RPS6KC1: variants seen among roughly 807,000 people sequenced by gnomAD.
RPS6KC1 encodes the protein inactive ribosomal protein S6 kinase delta-1.
In RPS6KC1, 54 loss-of-function variants were observed where a neutral mutation model predicts 103.8. The observed-to-expected ratio is 0.52, with a 90% CI of 0.42 to 0.65. The LOEUF (loss-of-function observed/expected upper bound fraction) is 0.65. Among genes scored for constraint, RPS6KC1 ranks in the 30% least tolerant of loss-of-function variants. The pLI is 0.00. For missense variants in RPS6KC1, 1,151 were observed against 1,253.8 expected, an observed-to-expected ratio of 0.92 and a Z score of 1.24; for synonymous variants, 439 against 438.7, an observed-to-expected ratio of 1.00 and a Z score of -0.01.
chr1:213,510,507 A>C, the RPS6KC1 span, among the ~76,000 whole-genome samples: 4 of 152,190 alleles, frequency 2.6e-5, no homozygotes, highest in African/African-American at 9.7e-5. Flanking sequence ...TGGCCAAATC[A>C]TAGGCTATAA....
At chr1:213,697,704 T>C in the RPS6KC1 span, among the ~76,000 whole-genome samples, 8 of 152,150 alleles carry the variant, frequency 5.3e-5, no homozygotes, top group Non-Finnish European at 8.8e-5. Context: ...TGTTGCCAGA[T>C]GAAGTATAGA....
chr1:213,292,635 G>A, the RPS6KC1 span, among the ~76,000 whole-genome samples: 1 of 152,146 alleles, frequency 6.6e-6, no homozygotes, highest in African/African-American at 2.4e-5. Context: ...GTGCTGGTTA[G>A]GTTGAGGGTT....
chr1:213,809,180 C>T, the RPS6KC1 span, among the ~76,000 whole-genome samples: 3 of 152,078 alleles, frequency 2.0e-5, no homozygotes, highest in South Asian at 6.2e-4. Context: ...TATTTATTGG[C>T]CTAGTTTCTA....
the RPS6KC1 span, chr1:213,839,823 G>A: frequency 1.3e-5 from 2 of 152,022 alleles, no homozygotes; most frequent in East Asian, 1.9e-4. Flanking sequence ...GAATAATACC[G>A]ATCTAGTAGG....
the RPS6KC1 span, among the ~76,000 whole-genome samples, chr1:213,327,390 C>T: frequency 1.3e-5 from 2 of 152,166 alleles, no homozygotes; most frequent in African/African-American, 4.8e-5. Flanking sequence ...CAAAACCATG[C>T]AGAGCAGTCT....
the RPS6KC1 span, among the ~76,000 whole-genome samples, chr1:213,298,402 A>G: frequency 2.8e-3 from 424 of 152,086 alleles, 2 homozygotes; most frequent in Non-Finnish European, 3.6e-3. Context: ...TTCCTCTTTG[A>G]AAGCTTCTAG....
At chr1:213,112,482 T>G (rs2083120690) in intron 4 of RPS6KC1, among the ~76,000 whole-genome samples, 1 of 151,946 alleles carries the variant, frequency 6.6e-6, no homozygotes, top group African/African-American at 2.4e-5. Context: ...AAAAAATATC[T>G]CTACTAAAAG....
In RPS6KC1 at chr1:213,238,145, A is replaced by C. The variant is rs541412612; in HGVS notation, c.1226-2557A>C. Among the ~76,000 whole-genome samples, 13 of 152,312 alleles carry C rather than the reference A, an allele frequency of 8.5e-5. 1 individual carries two copies. In the South Asian group the frequency reaches 2.5e-3, roughly 29 times the overall value. ...ATAATAAAAGCATAAAAGTAATATT[A>C]ATATGATGTAAATGTCATAAGGAGT... On this transcript the variant is annotated intron_variant, in intron 10 of 14. Transcript: ENST00000366960.
At chr1:213,854,212 T>C in the RPS6KC1 span, among the ~76,000 whole-genome samples, 1 of 152,258 alleles carries the variant, frequency 6.6e-6, no homozygotes, top group East Asian at 1.9e-4. Context: ...AGGGGATTGC[T>C]GCCTCTAGCA....
chr1:213,059,545 C>T (rs779002108), intron 1 of RPS6KC1, among the ~76,000 whole-genome samples: 3 of 152,144 alleles, frequency 2.0e-5, no homozygotes, highest in Non-Finnish European at 4.4e-5. Context: ...GACAGAGTCT[C>T]ACTTGTCATC....
At chr1:213,612,386 G>A in the RPS6KC1 span, among the ~76,000 whole-genome samples, 1 of 152,114 alleles carries the variant, frequency 6.6e-6, no homozygotes, top group Non-Finnish European at 1.5e-5. Context: ...AAGGACTTTA[G>A]AAATTTTGAG....
the RPS6KC1 span, among the ~76,000 whole-genome samples, chr1:213,493,846 G>A: frequency 6.6e-6 from 1 of 152,200 alleles, no homozygotes; most frequent in African/African-American, 2.4e-5. Flanking sequence ...AGAGAAGTGT[G>A]TGCTGGAAAT....
the RPS6KC1 span, among the ~76,000 whole-genome samples, chr1:213,373,827 C>T: frequency 1.3e-5 from 2 of 152,276 alleles, no homozygotes; most frequent in East Asian, 1.9e-4. Context: ...CCTATCACAT[C>T]CTCTTTGCTG....
chr1:213,575,598 G>A, the RPS6KC1 span, among the ~76,000 whole-genome samples: 3 of 152,160 alleles, frequency 2.0e-5, no homozygotes, highest in Non-Finnish European at 4.4e-5. Flanking sequence ...TTCCCCTTCT[G>A]CCATGATTGT....
At chr1:213,558,476 C>T in the RPS6KC1 span, among the ~76,000 whole-genome samples, 1 of 152,160 alleles carries the variant, frequency 6.6e-6, no homozygotes, top group African/African-American at 2.4e-5. Context: ...ATCTCTACAT[C>T]CCTAGTGAGC....
At chr1:213,406,547 A>G in the RPS6KC1 span, among the ~76,000 whole-genome samples, 1 of 152,154 alleles carries the variant, frequency 6.6e-6, no homozygotes, top group Non-Finnish European at 1.5e-5. Flanking sequence ...TCGTGTGTAA[A>G]GAGCTCCTTG....
At chr1:213,674,289 G>A in the RPS6KC1 span, among the ~76,000 whole-genome samples, 4 of 152,112 alleles carry the variant, frequency 2.6e-5, no homozygotes, top group East Asian at 7.7e-4. Context: ...AAAGTCCTAG[G>A]ATTACAGGCA....
At chr1:213,150,653 C>T (rs1392476242) in intron 6 of RPS6KC1, among the ~76,000 whole-genome samples, 2 of 151,844 alleles carry the variant, frequency 1.3e-5, no homozygotes, top group Admixed American at 1.3e-4. Context: ...TCAACAGGAT[C>T]CCAAGGCAGA....
the RPS6KC1 span, among the ~76,000 whole-genome samples, chr1:213,618,823 G>A: frequency 6.6e-6 from 1 of 152,196 alleles, no homozygotes; most frequent in Admixed American, 6.5e-5. Context: ...CCCTTATGGT[G>A]AGTTGACTTT....
Sources: gnomAD v4.1 joint callset for allele counts (sites outside exome capture counted in the v4.1 genomes callset) on GRCh38, gnomAD v4.1.1 for gene constraint, MANE v1.5 for transcripts, NCBI Gene and HGNC (gene_info 2026-07-23, HGNC 2026-07-21) for gene names.